SEL1L3: variants seen among roughly 807,000 people sequenced by gnomAD.
SEL1L3 encodes the protein SEL1L family member 3.
A neutral mutation model predicts 142.8 loss-of-function variants in SEL1L3; 76 were observed. That is an observed-to-expected ratio of 0.53 (90% CI 0.44 to 0.64). The LOEUF is 0.64. SEL1L3 is among the 30% of genes least tolerant of loss of function. SEL1L3 has a pLI of 0.00. For missense variants in SEL1L3, 1,262 were observed against 1,381.7 expected (o/e 0.91, Z 1.37); for synonymous variants, 504 against 519.6 (o/e 0.97, Z 0.41).
chr4:25,847,393 C>T lies in SEL1L3; in HGVS notation c.634G>A (p.Glu212Lys). Residue 212 changes from glutamate (E) to lysine (K), a missense_variant, in exon 2 of 24, where the codon GAA becomes AAA. By Grantham distance (56) the Glu-to-Lys change is moderately conservative. Transcript: ENST00000399878. ...ACTTGATGATCTTTGAAAGGGCGTT[C>T]AAAAGGCGGGATGGTCTGCAGGAGG... is the stretch of plus-strand genomic sequence containing the variant. Reference protein sequence around the residue: ...YTLLQTIPPFERPFKDHQVCL... With the variant: ...YTLLQTIPPFKRPFKDHQVCL... 3.7e-6 allele frequency: 6 copies of T among 1,613,980 alleles called. No individual in the cohort carries two copies. The highest frequency in any genetic ancestry group is 1.1e-5 in the South Asian group (1 of 91,080).
At chr4:25,767,975 A>C in intron 17 of SEL1L3, 145 bp from the exon 18 acceptor site, 1 of 614,088 alleles carries the variant, frequency 1.6e-6, no homozygotes, top group Non-Finnish European at 2.9e-6. Flanking sequence ...AAAAATAAAT[A>C]TTGTTAAAAA....
At chr4:25,787,163 C>T (rs144182610) in intron 13 of SEL1L3, among the ~76,000 whole-genome samples, 186 of 152,300 alleles carry the variant, frequency 1.2e-3, no homozygotes, top group African/African-American at 4.4e-3. Flanking sequence ...GTTGGGTGAC[C>T]TTGGGCAAAT....
At chr4:25,757,206 T>A (rs954860115) in intron 23 of SEL1L3, among the ~76,000 whole-genome samples, 1 of 151,838 alleles carries the variant, frequency 6.6e-6, no homozygotes, top group African/African-American at 2.4e-5. Flanking sequence ...AGGCAGAGGT[T>A]GCAGTGAGCT....
At chr4:25,799,341 C>T (rs1713016651) in intron 11 of SEL1L3, among the ~76,000 whole-genome samples, 1 of 152,196 alleles carries the variant, frequency 6.6e-6, no homozygotes, top group Admixed American at 6.5e-5. Flanking sequence ...TCCCAAAGTG[C>T]TGGTATTACC....
intron 1 of SEL1L3, among the ~76,000 whole-genome samples, chr4:25,848,434 A>T (rs1018667663): frequency 6.6e-6 from 1 of 152,214 alleles, no homozygotes; most frequent in Non-Finnish European, 1.5e-5. Flanking sequence ...GCTCCTGGTC[A>T]CACACAAGTA....
At chr4:25,787,642 C>T (rs563884981) in intron 13 of SEL1L3, among the ~76,000 whole-genome samples, 6 of 152,240 alleles carry the variant, frequency 3.9e-5, no homozygotes, top group Non-Finnish European at 5.9e-5. Context: ...ATAAAGAACA[C>T]GGCATTTTAT....
intron 6 of SEL1L3, among the ~76,000 whole-genome samples, chr4:25,828,391 T>C (rs898590861): frequency 7.6e-6 from 1 of 131,132 alleles, no homozygotes; most frequent in Admixed American, 7.3e-5. Context: ...TATCTTTTCG[T>C]TTTTTTTTTT....
the SEL1L3 span, among the ~76,000 whole-genome samples, chr4:25,714,005 C>T: frequency 6.6e-6 from 1 of 152,012 alleles, no homozygotes; most frequent in Admixed American, 6.6e-5. Context: ...ACACGTGAAC[C>T]ACCAGTGATG....
downstream of SEL1L3, among the ~76,000 whole-genome samples, chr4:25,745,909 A>G (rs555326499): frequency 6.6e-6 from 1 of 152,362 alleles, no homozygotes; most frequent in African/African-American, 2.4e-5. Flanking sequence ...TGTGTTTGCC[A>G]TGGAGAGAGG....
intron 2 of SEL1L3, among the ~76,000 whole-genome samples, chr4:25,844,179 T>C (rs962974867): frequency 1.3e-5 from 2 of 152,198 alleles, no homozygotes; most frequent in African/African-American, 4.8e-5. Flanking sequence ...TTGATTCTTG[T>C]TCATCAAGAA....
intron 20 of SEL1L3, among the ~76,000 whole-genome samples, chr4:25,761,703 G>GC (rs1362094051): frequency 6.6e-6 from 1 of 152,138 alleles, no homozygotes; most frequent in Non-Finnish European, 1.5e-5. Context: ...ATTATCACAA[G>GC]CTAGTATATG....
intron 23 of SEL1L3, among the ~76,000 whole-genome samples, chr4:25,755,444 C>CT (rs1717892311): frequency 6.6e-6 from 1 of 152,022 alleles, no homozygotes; most frequent in Non-Finnish European, 1.5e-5. Context: ...TACTTCGCCT[C>CT]TCTGCCTCAG....
chr4:25,792,107 A>G (rs534241091), intron 11 of SEL1L3, among the ~76,000 whole-genome samples: 3 of 152,292 alleles, frequency 2.0e-5, no homozygotes, highest in South Asian at 2.1e-4. Flanking sequence ...AGCTAACCTG[A>G]GGAGGCCACC....
rs570952419 is a variant in SEL1L3 at position 25,847,750 on chromosome 4, C to G, written c.277G>C (p.Val93Leu). Residue 93 changes from valine (V) to leucine (L), a missense_variant, in exon 2 of 24, where the codon GTT becomes CTT. Val to Leu is a conservative substitution (Grantham distance 32). Coordinates refer to ENST00000399878, the MANE Select transcript of SEL1L3 (RefSeq NM_015187.5). ...ACCGAGACTTCAGAAACGTTGCGAA[C>G]GTTTCCTTCAAAGACAGTAAAATAA... ...FIYFTVFEGN[V>L]RNVSEVSVEY... is the part of the protein sequence containing the mutation. 6.2e-7 allele frequency: 1 copy of G among 1,613,782 alleles called. No homozygotes were observed. The highest frequency in any genetic ancestry group is 1.7e-5 in the Admixed American group (1 of 59,998).
intron 5 of SEL1L3, 89 bp from the exon 6 acceptor site, chr4:25,830,245 T>A: frequency 2.5e-6 from 2 of 796,054 alleles, no homozygotes; most frequent in Non-Finnish European, 2.1e-6. Flanking sequence ...TCATGATATG[T>A]GTTGGAGAGT....
the SEL1L3 span, among the ~76,000 whole-genome samples, chr4:25,714,019 C>A: frequency 1.2e-4 from 18 of 152,090 alleles, no homozygotes; most frequent in Admixed American, 8.5e-4. Flanking sequence ...AGTGATGATG[C>A]AATTTAAATG....
At chr4:25,818,973 C>T (rs557007479) in intron 8 of SEL1L3, among the ~76,000 whole-genome samples, 78 of 152,312 alleles carry the variant, frequency 5.1e-4, no homozygotes, top group African/African-American at 1.8e-3. Context: ...CCTCCCTCCA[C>T]GACCTGGAAT....
intron 23 of SEL1L3, chr4:25,756,061 C>A: frequency 1.0e-6 from 1 of 985,394 alleles, no homozygotes; most frequent in Non-Finnish European, 1.2e-6. Flanking sequence ...TAGCTTCTTG[C>A]AACAGTGACT....
At chr4:25,856,444 G>A (rs374514774) in intron 1 of SEL1L3, among the ~76,000 whole-genome samples, 2 of 152,058 alleles carry the variant, frequency 1.3e-5, no homozygotes, top group African/African-American at 2.4e-5. Flanking sequence ...CATTTTGCAC[G>A]CAACAGAGCT....
Sources: allele counts gnomAD v4.1 joint callset (sites outside exome capture counted in the v4.1 genomes callset), GRCh38; gene constraint gnomAD v4.1.1; transcripts MANE v1.5; gene names NCBI Gene and HGNC (gene_info 2026-07-23, HGNC 2026-07-21).